Variants in CBL observed in about 807,000 individuals in gnomAD.
CBL encodes Cbl proto-oncogene.
A neutral mutation model predicts 96.9 loss-of-function variants in CBL; 45 were observed. The ratio of observed to expected loss-of-function variants is 0.46; its 90% CI spans 0.37 to 0.60. The LOEUF is 0.60. Ranked by LOEUF, CBL falls within the 20% of genes least tolerant of loss-of-function variation. The probability of loss-of-function intolerance (pLI) is 0.00; values close to 1 mark genes in which losing one functional copy is unlikely to be tolerated. For synonymous variants in CBL, 420 were observed against 426.8 expected (o/e 0.98, Z 0.20); for missense variants, 1,024 against 1,143.5 (o/e 0.90, Z 1.51).
chr11:119,228,890 A>T (rs988066403), intron 1 of CBL, among the ~76,000 whole-genome samples: 1 of 151,426 alleles, frequency 6.6e-6, no homozygotes, highest in Non-Finnish European at 1.5e-5. Context: ...GGCTCACTGC[A>T]AACTTTGCTT....
chr11:119,224,902 G>A (rs1343127024), intron 1 of CBL, among the ~76,000 whole-genome samples: 1 of 151,936 alleles, frequency 6.6e-6, no homozygotes, highest in East Asian at 1.9e-4. Context: ...GAGGCAAGGG[G>A]GCAGGCACAC....
chr11:119,301,352 G>A lies in CBL; in HGVS notation c.*1571G>A, dbSNP rs1950100076. ...TCAGTTCTTTTATATGCTGATAAAT[G>A]ATCCCTCGAGTTCAGTTAGTATTCT... On this transcript the variant is annotated 3_prime_UTR_variant, in exon 16 of 16. Transcript: ENST00000264033. The A allele has an allele frequency of 1.3e-5, 3 of 233,154 alleles. No homozygotes were observed. The Admixed American group carries it at 1.7e-4, about 13-fold the overall frequency. The allele number at this position is 233,154 out of a possible 1,614,324, so 14.4% of individuals were successfully genotyped here.
chr11:119,242,125 G>A (rs1434653945), intron 2 of CBL, among the ~76,000 whole-genome samples: 1 of 152,144 alleles, frequency 6.6e-6, no homozygotes, highest in Non-Finnish European at 1.5e-5. Context: ...TGAGACTAGG[G>A]AGGAGGAATT....
intron 2 of CBL, 97 bp downstream of exon 2, chr11:119,232,792 G>A (rs927145873): frequency 8.4e-7 from 1 of 1,196,148 alleles, no homozygotes; most frequent in African/African-American, 1.5e-5. Context: ...TTTTATGTTA[G>A]TAGGAATGGA....
intron 1 of CBL, among the ~76,000 whole-genome samples, chr11:119,210,393 C>G (rs1398998447): frequency 6.6e-6 from 1 of 151,924 alleles, no homozygotes; most frequent in African/African-American, 2.4e-5. Flanking sequence ...AAATAAATTG[C>G]TTTAAATGTA....
At chr11:119,225,642 GC>G (rs1307473936) in intron 1 of CBL, among the ~76,000 whole-genome samples, 2 of 151,244 alleles carry the variant, frequency 1.3e-5, no homozygotes, top group East Asian at 3.9e-4. Flanking sequence ...CAAGCGATCT[GC>G]CCACCTCAGC....
chr11:119,284,426 C>G (rs1378277910), intron 9 of CBL, among the ~76,000 whole-genome samples: 5 of 152,016 alleles, frequency 3.3e-5, no homozygotes, highest in African/African-American at 9.7e-5. Context: ...CTGTTTTAGC[C>G]TCCCAAATAG....
chr11:119,250,564 T>A (rs145319045), intron 2 of CBL, among the ~76,000 whole-genome samples: 275 of 152,320 alleles, frequency 1.8e-3, no homozygotes, highest in African/African-American at 6.1e-3. Flanking sequence ...ACATGAAAAC[T>A]CTCCAGGCAG....
intron 6 of CBL, among the ~76,000 whole-genome samples, chr11:119,276,870 A>G (rs1463612280): frequency 5.3e-5 from 8 of 152,210 alleles, no homozygotes; most frequent in African/African-American, 1.7e-4. Flanking sequence ...TAATTTGCAT[A>G]TTGTTACATT....
chr11:119,249,294 GC>G (rs1239638767), intron 2 of CBL, among the ~76,000 whole-genome samples: 1 of 152,196 alleles, frequency 6.6e-6, no homozygotes, highest in Admixed American at 6.5e-5. Flanking sequence ...GGAGGTTCAT[GC>G]CTGTAATCCC....
At chr11:119,217,956 A>G (rs991382642) in intron 1 of CBL, among the ~76,000 whole-genome samples, 1 of 152,120 alleles carries the variant, frequency 6.6e-6, no homozygotes, top group African/African-American at 2.4e-5. Flanking sequence ...GAGTTCCTTT[A>G]GTCCCAGATA....
intron 9 of CBL, among the ~76,000 whole-genome samples, chr11:119,284,704 C>G (rs1949966588): frequency 1.3e-5 from 2 of 152,058 alleles, no homozygotes; most frequent in Admixed American, 6.6e-5. Context: ...GTAGCCCTGT[C>G]CTTTCTAGAT....
At position 119,290,884 on chromosome 11, in the gene CBL, G is replaced by T. The variant is rs1950022257; in HGVS notation, c.2036+2938G>T. Among the ~76,000 whole-genome samples the T allele has an allele frequency of 3.3e-5, 5 of 151,520 alleles. No homozygotes were observed. In the South Asian group the frequency reaches 1.0e-3, roughly 32 times the overall value. ...GTAGTAACAGGGTTTCACCATGTTGGCCAGGCTGGTCTCGAACTCCTGACT... is the reference window on the plus strand; with the variant it reads ...GTAGTAACAGGGTTTCACCATGTTGTCCAGGCTGGTCTCGAACTCCTGACT... On this transcript the variant is annotated intron_variant, in intron 12 of 15. Coordinates refer to ENST00000264033, the MANE Select transcript of CBL (RefSeq NM_005188.4).
At chr11:119,215,162 T>G (rs1442351659) in intron 1 of CBL, among the ~76,000 whole-genome samples, 1 of 152,088 alleles carries the variant, frequency 6.6e-6, no homozygotes, top group Non-Finnish European at 1.5e-5. Flanking sequence ...GATTGTATGC[T>G]CTCTCCGTTT....
chr11:119,249,813 A>G (rs1307632045), intron 2 of CBL, among the ~76,000 whole-genome samples: 4 of 151,718 alleles, frequency 2.6e-5, no homozygotes, highest in South Asian at 2.1e-4. Context: ...ACACACTACC[A>G]TACAGACTAA....
At position 119,212,762 on chromosome 11, in the gene CBL, G is replaced by C. The variant is rs1056875750; in HGVS notation, c.195+6150G>C. ...ACAGTGGCTCACGCCTGTAATCCCA[G>C]CACTTTGGGAGGCTGAGGCTGGGGG... On this transcript the variant is annotated intron_variant, in intron 1 of 15. Coordinates refer to ENST00000264033, the MANE Select transcript of CBL (RefSeq NM_005188.4). 3.9e-5 allele frequency among the ~76,000 whole-genome samples: 6 copies of C among 151,960 alleles called. No individual in the cohort carries two copies. In the Middle Eastern group the frequency reaches 0.01, roughly 258 times the overall value.
At chr11:119,269,337 C>T (rs2135294528) in intron 2 of CBL, among the ~76,000 whole-genome samples, 1 of 149,686 alleles carries the variant, frequency 6.7e-6, no homozygotes, top group South Asian at 2.1e-4. Context: ...ACCTCTGCCT[C>T]AGCCTCTTCA....
At chr11:119,209,654 C>T (rs1235413022) in intron 1 of CBL, among the ~76,000 whole-genome samples, 3 of 151,928 alleles carry the variant, frequency 2.0e-5, no homozygotes, top group Non-Finnish European at 4.4e-5. Context: ...TTTTAAATGA[C>T]ACACATTTAG....
chr11:119,209,186 A>G (rs1949297857), intron 1 of CBL, among the ~76,000 whole-genome samples: 1 of 152,216 alleles, frequency 6.6e-6, no homozygotes, highest in African/African-American at 2.4e-5. Context: ...TGTTTTGAGC[A>G]TAAGGTGTCC....
Sources: allele counts gnomAD v4.1 joint callset (sites outside exome capture counted in the v4.1 genomes callset), GRCh38; gene constraint gnomAD v4.1.1; transcripts MANE v1.5; gene names NCBI Gene and HGNC (gene_info 2026-07-23, HGNC 2026-07-21).